Variants in EBF1 observed in about 807,000 individuals in gnomAD.
EBF1 encodes the protein transcription factor COE1.
A neutral mutation model predicts 68.4 loss-of-function variants in EBF1; 10 were observed. The observed-to-expected ratio is 0.15, with a 90% CI of 0.09 to 0.25. The LOEUF (loss-of-function observed/expected upper bound fraction) is 0.25, where lower values mean the gene tolerates loss of function less well. EBF1 is among the 10% of genes least tolerant of loss of function. EBF1 has a pLI of 1.00. For synonymous variants in EBF1, 298 were observed against 299.8 expected, an observed-to-expected ratio of 0.99 and a Z score of 0.06; for missense variants, 509 against 794.4, an observed-to-expected ratio of 0.64 and a Z score of 4.32.
At position 158,938,765 on chromosome 5, in the gene EBF1, A is replaced by G. The variant is rs140960016; in HGVS notation, c.555-98655T>C. Among the ~76,000 whole-genome samples, 555 of 152,246 alleles carry G rather than the reference A, an allele frequency of 3.6e-3. 4 individuals are homozygous for G. Among genetic ancestry groups the G allele is most frequent in the African/African-American group, 0.012 (517 of 41,530 alleles). ...GGGCTATACCTTCCTAACTTTCTCT[A>G]AACCTAATTACCTCCCAAAAACCTC... On this transcript the variant is annotated intron_variant, in intron 6 of 15. Coordinates refer to ENST00000313708, the MANE Select transcript of EBF1 (RefSeq NM_024007.5).
chr5:158,868,339 A>G (rs576696050), intron 6 of EBF1, among the ~76,000 whole-genome samples: 1 of 152,274 alleles, frequency 6.6e-6, no homozygotes, highest in Admixed American at 6.5e-5. Flanking sequence ...CTAAAAAAAA[A>G]TCACTCAAAA....
At chr5:159,062,696 C>G (rs72813944) in intron 6 of EBF1, among the ~76,000 whole-genome samples, 1,639 of 152,314 alleles carry the variant, frequency 0.011, 14 homozygotes, top group Non-Finnish European at 0.018. Flanking sequence ...AAAAATCAAG[C>G]CTTCTCCCAA....
chr5:158,853,599 C>T (rs1352837021), intron 6 of EBF1, among the ~76,000 whole-genome samples: 1 of 152,022 alleles, frequency 6.6e-6, no homozygotes, highest in African/African-American at 2.4e-5. Flanking sequence ...TCATACAATG[C>T]CCTCCAAGAA....
chr5:158,839,285 G>A (rs1047713297), intron 7 of EBF1, among the ~76,000 whole-genome samples: 1 of 152,216 alleles, frequency 6.6e-6, no homozygotes, highest in Non-Finnish European at 1.5e-5. Context: ...AAAATTGGAA[G>A]AGGTGAGCAG....
chr5:158,949,051 A>G (rs1174244995), intron 6 of EBF1, among the ~76,000 whole-genome samples: 40 of 152,182 alleles, frequency 2.6e-4, no homozygotes, highest in Admixed American at 2.5e-3. Flanking sequence ...ATGCCAATGG[A>G]TTTCAAGGCC....
intron 6 of EBF1, among the ~76,000 whole-genome samples, chr5:159,023,323 A>G (rs1584024573): frequency 6.6e-6 from 1 of 152,364 alleles, no homozygotes; most frequent in Admixed American, 6.5e-5. Context: ...TATGAAAAAC[A>G]AATTGTGCCC....
intron 6 of EBF1, among the ~76,000 whole-genome samples, chr5:158,882,815 G>A (rs955737486): frequency 1.3e-5 from 2 of 152,138 alleles, no homozygotes; most frequent in African/African-American, 4.8e-5. Context: ...ACACACCATC[G>A]AGCACCTCGC....
At chr5:158,854,223 G>A (rs1306916928) in intron 6 of EBF1, among the ~76,000 whole-genome samples, 6 of 152,112 alleles carry the variant, frequency 3.9e-5, no homozygotes, top group Non-Finnish European at 8.8e-5. Flanking sequence ...ACTAGGGCAG[G>A]GTCACTTTGT....
chr5:158,827,424 C>T (rs1489103873), intron 7 of EBF1, among the ~76,000 whole-genome samples: 1 of 152,182 alleles, frequency 6.6e-6, no homozygotes, highest in African/African-American at 2.4e-5. Context: ...CTATCTGTAT[C>T]TTAGCCTCTT....
intron 6 of EBF1, among the ~76,000 whole-genome samples, chr5:158,890,687 G>A (rs1301392159): frequency 1.3e-5 from 2 of 152,074 alleles, no homozygotes; most frequent in Non-Finnish European, 2.9e-5. Flanking sequence ...CGAAGCCCCC[G>A]CCACCCTGCT....
chr5:159,096,347 G>A lies in EBF1; in HGVS notation c.351C>T (p.Ser117=). The change falls in exon 3 of 16, where the codon AGC becomes AGT. Residue 117 remains serine, a synonymous_variant. Coordinates refer to ENST00000313708, the MANE Select transcript of EBF1 (RefSeq NM_024007.5). The stretch of plus-strand genomic sequence containing the variant: ...TAGACCCGACCCGGGCCTCACCATT[G>A]CTGTAGAGAAGCTGAAGCCGGTAGT... ...GIHYRLQLLY[S]NGIRTEQDFY... is the part of the protein sequence containing the mutation. 5.6e-6 allele frequency: 9 copies of A among 1,613,372 alleles called. No individual in the cohort carries two copies. The highest frequency in any genetic ancestry group is 7.6e-6 in the Non-Finnish European group (9 of 1,179,720).
intron 14 of EBF1, among the ~76,000 whole-genome samples, chr5:158,710,927 C>T (rs1230212846): frequency 6.6e-6 from 1 of 152,196 alleles, no homozygotes; most frequent in Non-Finnish European, 1.5e-5. Flanking sequence ...CCAAGATGAA[C>T]TTCAAAGTCA....
chr5:158,893,873 G>A lies in EBF1; in HGVS notation c.555-53763C>T, dbSNP rs1454112363. 3.3e-5 allele frequency among the ~76,000 whole-genome samples: 5 copies of A among 152,158 alleles called. No individual in the cohort carries two copies. The South Asian group carries it at 6.2e-4, about 19-fold the overall frequency. On this transcript the variant is annotated intron_variant, in intron 6 of 15. Transcript: ENST00000313708. The stretch of plus-strand genomic sequence containing the variant: ...CAGGGAAGAGGCTGAAGGGCTCTTC[G>A]GGGACCAAATTACAGTTTCAAAATG...
intron 6 of EBF1, among the ~76,000 whole-genome samples, chr5:158,924,047 A>G (rs560652134): frequency 8.5e-4 from 130 of 152,302 alleles, no homozygotes; most frequent in African/African-American, 3.1e-3. Flanking sequence ...TTCACAAAAC[A>G]TTGTCCCTTG....
At position 158,980,469 on chromosome 5, in the gene EBF1, C is replaced by G. The variant is rs60105107; in HGVS notation, c.554+92927G>C. Among the ~76,000 whole-genome samples the G allele has an allele frequency of 6.0e-3, 919 of 152,346 alleles. 14 individuals are homozygous for G. The highest frequency in any genetic ancestry group is 0.021 in the African/African-American group (864 of 41,580). On this transcript the variant is annotated intron_variant, in intron 6 of 15. Transcript: ENST00000313708. ...CCAGATCCGCAGCCAAGACTCCTCT[C>G]TCTGTCTCCATGGCGTGAACAGGAA...
chr5:158,932,171 G>A (rs1010400664), intron 6 of EBF1, among the ~76,000 whole-genome samples: 6 of 152,030 alleles, frequency 3.9e-5, no homozygotes. Context: ...GCACTTCTAG[G>A]AATCTATCAT....
rs527900625 is a variant in EBF1 at position 158,855,303 on chromosome 5, C to CT, written c.555-15194dup. Among the ~76,000 whole-genome samples, 408 of 152,316 alleles carry CT rather than the reference C, an allele frequency of 2.7e-3. 2 individuals are homozygous for CT. The highest frequency in any genetic ancestry group is 4.2e-3 in the Non-Finnish European group (289 of 68,028). On this transcript the variant is annotated intron_variant, in intron 6 of 15. Coordinates refer to ENST00000313708, the MANE Select transcript of EBF1 (RefSeq NM_024007.5). ...CTTTAAAAAATCATTTCTAACTTTT[C>CT]TTTAACTGATCCTCACGAAAAGTCT...
At chr5:158,740,924 C>T (rs1006937191) in intron 10 of EBF1, among the ~76,000 whole-genome samples, 2 of 152,202 alleles carry the variant, frequency 1.3e-5, no homozygotes, top group Non-Finnish European at 2.9e-5. Context: ...CTCAGCAATC[C>T]CTTCAAAGCA....
intron 10 of EBF1, among the ~76,000 whole-genome samples, chr5:158,744,452 TGAG>T (rs1161988121): frequency 3.3e-5 from 5 of 152,126 alleles, no homozygotes; most frequent in Non-Finnish European, 5.9e-5. Context: ...AGGAGAGGTC[TGAG>T]GAGAAGTTGT....
Sources: allele counts gnomAD v4.1 joint callset (sites outside exome capture counted in the v4.1 genomes callset), GRCh38; gene constraint gnomAD v4.1.1; transcripts MANE v1.5; gene names NCBI Gene and HGNC (gene_info 2026-07-23, HGNC 2026-07-21).